The following SLC25A30 variants were observed in gnomAD, a reference collection of about 807,000 sequenced individuals.
SLC25A30 encodes kidney mitochondrial carrier protein 1.
SLC25A30 carries 29 observed loss-of-function variants against 42.7 expected under a neutral mutation model. That is an observed-to-expected ratio of 0.68 (90% CI 0.51 to 0.93). The LOEUF (loss-of-function observed/expected upper bound fraction) is 0.93, where lower values mean the gene tolerates loss of function less well. Ranked by LOEUF, SLC25A30 falls within the 40% of genes least tolerant of loss-of-function variation. The pLI, the probability that SLC25A30 is intolerant of heterozygous loss-of-function variation, is 0.00. For synonymous variants in SLC25A30, 124 were observed against 131.0 expected (o/e 0.95, Z 0.37); for missense variants, 300 against 359.7 (o/e 0.83, Z 1.34).
chr13:45,424,080 T>A, the SLC25A30 span, among the ~76,000 whole-genome samples: 1 of 97,288 alleles, frequency 1.0e-5, no homozygotes, highest in African/African-American at 4.3e-5. Context: ...TTTATATAAA[T>A]ATATATAAAT....
At chr13:45,399,130 C>CA in intron 7 of SLC25A30, 52 bp from the exon 8 acceptor site, 1 of 1,525,594 alleles carries the variant, frequency 6.6e-7, no homozygotes, top group African/African-American at 1.4e-5. Context: ...CACTGAGCTA[C>CA]AACCACCATC....
chr13:45,408,990 C>T lies in SLC25A30; in HGVS notation c.149G>A (p.Arg50Gln), dbSNP rs142058458. 147 of 1,613,732 alleles carry T rather than the reference C, an allele frequency of 9.1e-5. 1 individual carries two copies. Among genetic ancestry groups the T allele is most frequent in the Middle Eastern group, 1.6e-4 (1 of 6,084 alleles). ...NDAKFKEIRY[R>Q]GMLHALVRIG... ...CCTCACTAATGCGTGCAACATTCCTCGGTATCTAATTTCCTTAAATTTTGC... is the reference window on the plus strand; with the variant it reads ...CCTCACTAATGCGTGCAACATTCCTTGGTATCTAATTTCCTTAAATTTTGC... Residue 50 changes from arginine to glutamine, a missense_variant, in exon 3 of 10, where the codon CGA becomes CAA. Coordinates refer to ENST00000519676, the MANE Select transcript of SLC25A30 (RefSeq NM_001010875.4).
chr13:45,423,211 G>T (rs11616734), upstream of SLC25A30, among the ~76,000 whole-genome samples: 78,644 of 151,386 alleles, frequency 0.52, 21,037 homozygotes, highest in African/African-American at 0.59. Context: ...TGGAGGCTTT[G>T]TCAAATTGTC....
At chr13:45,425,013 A>AGT in the SLC25A30 span, among the ~76,000 whole-genome samples, 8 of 14,578 alleles carry the variant, frequency 5.5e-4, 2 homozygotes, top group Admixed American at 1.6e-3. Context: ...AATATATATA[A>AGT]ATATACATAT....
At chr13:45,423,334 A>G (rs1165077390), upstream of SLC25A30, among the ~76,000 whole-genome samples, 1 of 151,418 alleles carries the variant, frequency 6.6e-6, no homozygotes, top group Non-Finnish European at 1.5e-5. Context: ...AGGGAAACTC[A>G]TGTGAAGTCT....
In SLC25A30 at chr13:45,394,644, AG is replaced by A. The variant is rs1881181301; in HGVS notation, c.*1329del. ...AAGACTAAGATGAAGACAAGAAGGA[AG>A]AGGGCTCTTTCTCTGAAGCAGGTTA... is the stretch of plus-strand genomic sequence containing the variant. On this transcript the variant is annotated 3_prime_UTR_variant, in exon 10 of 10. Coordinates refer to ENST00000519676, the MANE Select transcript of SLC25A30 (RefSeq NM_001010875.4). 1 of 985,302 alleles carries A rather than the reference AG, an allele frequency of 1.0e-6. No individual in the cohort carries two copies. 61.0% of individuals were successfully genotyped at this position (985,302 alleles called of 1,614,324 possible). A position where few individuals can be genotyped will look rare whatever the true frequency, so the allele number is the denominator to read the frequency against.
intron 1 of SLC25A30, among the ~76,000 whole-genome samples, chr13:45,417,897 G>A (rs1349985240): frequency 1.3e-5 from 2 of 152,162 alleles, no homozygotes; most frequent in African/African-American, 2.4e-5. Flanking sequence ...CGGGCGCTCA[G>A]GCTGCCGTTT....
At chr13:45,423,517 T>C in the SLC25A30 span, among the ~76,000 whole-genome samples, 1 of 111,462 alleles carries the variant, frequency 9.0e-6, no homozygotes, top group Non-Finnish European at 1.8e-5. Flanking sequence ...AGTTTATATA[T>C]ATATACAAAT....
the SLC25A30 span, among the ~76,000 whole-genome samples, chr13:45,425,376 A>G: frequency 9.0e-6 from 1 of 111,668 alleles, no homozygotes; most frequent in Non-Finnish European, 1.6e-5. Context: ...ATAAAAATAT[A>G]TAAGTATATA....
Position 45,395,782 on chromosome 13 carries a change from A to T in SLC25A30, c.*192T>A. On this transcript the variant is annotated 3_prime_UTR_variant, in exon 10 of 10. Transcript: ENST00000519676. ...AAGACTAGTGTTTGGATGTTAGTTT[A>T]TGCCATTAAACGTTTGATGAAGAGC... 1 of 1,458,224 alleles carries T rather than the reference A, an allele frequency of 6.9e-7. No homozygotes were observed. The allele number at this position is 1,458,224 out of a possible 1,614,324, so 90.3% of individuals were successfully genotyped here.
chr13:45,400,033 T>TATATACACACAC (rs571184813), intron 7 of SLC25A30, among the ~76,000 whole-genome samples: 5 of 122,988 alleles, frequency 4.1e-5, no homozygotes, highest in Non-Finnish European at 6.7e-5. Context: ...TATATATATA[T>TATATACACACAC]ACACACACAC....
Position 45,396,025 on chromosome 13 carries a change from T to C in SLC25A30, c.835-10A>G. ...CGTATGTCACAAAGAACTGTGGTTA[T>C]GGGTTAAGGATGACACAGAAAATGC... is the stretch of plus-strand genomic sequence containing the variant. On this transcript the variant is annotated splice_polypyrimidine_tract_variant and intron_variant, in intron 9 of 9. Coordinates refer to ENST00000519676, the MANE Select transcript of SLC25A30 (RefSeq NM_001010875.4). The C allele has an allele frequency of 2.5e-6, 4 of 1,614,220 alleles. No homozygotes were observed. The South Asian group carries it at 3.3e-5, about 13-fold the overall frequency.
At chr13:45,398,014 G>T in intron 8 of SLC25A30, 1 of 985,362 alleles carries the variant, frequency 1.0e-6, no homozygotes, top group Non-Finnish European at 1.2e-6. Flanking sequence ...TATTTCCCAA[G>T]ATGTCAGGTG....
chr13:45,423,577 A>T, the SLC25A30 span, among the ~76,000 whole-genome samples: 1 of 79,882 alleles, frequency 1.3e-5, no homozygotes, highest in Non-Finnish European at 2.7e-5. Context: ...AAATATATAT[A>T]AAAATATATA....
At position 45,394,521 on chromosome 13, in the gene SLC25A30, G is replaced by C. The variant is rs1171605465; in HGVS notation, c.*1453C>G. 1 of 985,198 alleles carries C rather than the reference G, an allele frequency of 1.0e-6. No individual in the cohort carries two copies. The highest frequency in any genetic ancestry group is 1.2e-6 in the Non-Finnish European group (1 of 829,938). 61.0% of individuals were successfully genotyped at this position (985,198 alleles called of 1,614,324 possible). Reference sequence around the variant, plus strand: ...ATGTATTTAATGTTGTTCTCAAAGGGGGAACTGAAGAGACCCAAATAAATA... The same window carrying C: ...ATGTATTTAATGTTGTTCTCAAAGGCGGAACTGAAGAGACCCAAATAAATA... On this transcript the variant is annotated 3_prime_UTR_variant, in exon 10 of 10. Transcript: ENST00000519676.
At chr13:45,425,053 A>AGTAT in the SLC25A30 span, among the ~76,000 whole-genome samples, 11 of 80,396 alleles carry the variant, frequency 1.4e-4, no homozygotes, top group South Asian at 2.1e-3. Flanking sequence ...TAAATATATA[A>AGTAT]ATATATAAGT....
chr13:45,409,413 C>T (rs1393276101), intron 2 of SLC25A30, among the ~76,000 whole-genome samples: 1 of 152,154 alleles, frequency 6.6e-6, no homozygotes, highest in East Asian at 1.9e-4. Context: ...AGTTACTATT[C>T]TGTATATAAA....
intron 3 of SLC25A30, 46 bp downstream of exon 3, chr13:45,408,881 G>A (rs1162736132): frequency 6.4e-6 from 10 of 1,557,016 alleles, no homozygotes; most frequent in Non-Finnish European, 8.7e-6. Context: ...CTATACCCAT[G>A]TGAAACAGTG....
At chr13:45,430,056 A>T in the SLC25A30 span, among the ~76,000 whole-genome samples, 4 of 151,290 alleles carry the variant, frequency 2.6e-5, no homozygotes, top group East Asian at 3.9e-4. Context: ...ATGAAGCTAA[A>T]TTTTTTTTTA....
Sources: allele counts gnomAD v4.1 joint callset (sites outside exome capture counted in the v4.1 genomes callset), GRCh38; gene constraint gnomAD v4.1.1; transcripts MANE v1.5; gene names NCBI Gene and HGNC (gene_info 2026-07-23, HGNC 2026-07-21).